Variants in DOCK9 observed in about 807,000 individuals in gnomAD.
DOCK9 encodes dedicator of cytokinesis 9.
In DOCK9, 89 loss-of-function variants were observed where a neutral mutation model predicts 263.3. That is an observed-to-expected ratio of 0.34 (90% CI 0.28 to 0.40). The LOEUF (loss-of-function observed/expected upper bound fraction) is 0.40, where lower values mean the gene tolerates loss of function less well. DOCK9 is among the 10% of genes least tolerant of loss of function. DOCK9 has a pLI of 1.00. For missense variants in DOCK9, 2,140 were observed against 2,603.4 expected (o/e 0.82, Z 3.87); for synonymous variants, 976 against 973.1 (o/e 1.00, Z -0.06).
At chr13:98,891,188 T>C (rs1327985439) in intron 15 of DOCK9, among the ~76,000 whole-genome samples, 1 of 152,128 alleles carries the variant, frequency 6.6e-6, no homozygotes, top group Non-Finnish European at 1.5e-5. Flanking sequence ...CTCTGGGCAC[T>C]CCTACGATGA....
intron 1 of DOCK9, among the ~76,000 whole-genome samples, chr13:99,023,165 G>A (rs770384883): frequency 2.0e-5 from 3 of 152,172 alleles, no homozygotes; most frequent in African/African-American, 2.4e-5. Context: ...GCACACCCAC[G>A]TTCATAGGCA....
At chr13:99,084,666 C>A (rs2042260185) in intron 1 of DOCK9, among the ~76,000 whole-genome samples, 1 of 152,224 alleles carries the variant, frequency 6.6e-6, no homozygotes, top group South Asian at 2.1e-4. Flanking sequence ...TCCATCTACA[C>A]GGCTTATTAA....
intron 1 of DOCK9, among the ~76,000 whole-genome samples, chr13:99,058,038 T>TATACA (rs1389391201): frequency 6.6e-6 from 1 of 152,106 alleles, no homozygotes; most frequent in Non-Finnish European, 1.5e-5. Context: ...GAAGGGTATT[T>TATACA]ATACAATATC....
chr13:98,908,501 CTG>C (rs1383706537), intron 9 of DOCK9, among the ~76,000 whole-genome samples: 1 of 151,988 alleles, frequency 6.6e-6, no homozygotes, highest in Admixed American at 6.6e-5. Flanking sequence ...GCTGAATAAA[CTG>C]TGCAGTAGCA....
In DOCK9 at chr13:99,043,154, C is replaced by G. The variant is rs561964519; in HGVS notation, c.129+43069G>C. 5.9e-5 allele frequency among the ~76,000 whole-genome samples: 9 copies of G among 152,066 alleles called. No individual in the cohort carries two copies. In the East Asian group the frequency reaches 1.2e-3, roughly 20 times the overall value. On this transcript the variant is annotated intron_variant, in intron 1 of 32. Coordinates refer to the DOCK9 transcript ENST00000427887. ...CCTGTCCCACCGCCATCCAATAAAG[C>G]TCATGGGTCACTGCCTCTCAGGGTC...
chr13:98,892,900 TTAAAAA>T (rs2046840789), intron 15 of DOCK9, among the ~76,000 whole-genome samples: 1 of 152,084 alleles, frequency 6.6e-6, no homozygotes, highest in Non-Finnish European at 1.5e-5. Context: ...TTATCCACCC[TTAAAAA>T]GAGGAGGCGG....
chr13:98,950,371 T>C, intron 2 of DOCK9: 2 of 940,572 alleles, frequency 2.1e-6, no homozygotes, highest in Non-Finnish European at 3.3e-6. Flanking sequence ...CTGAGTGGCT[T>C]TGAGGGCTTG....
At chr13:99,085,681 G>C (rs1319901810) in intron 1 of DOCK9, among the ~76,000 whole-genome samples, 1 of 152,110 alleles carries the variant, frequency 6.6e-6, no homozygotes, top group African/African-American at 2.4e-5. Flanking sequence ...CGGCTTGGAG[G>C]TGGGGGGCGC....
At chr13:98,918,284 C>T (rs1034749254) in intron 7 of DOCK9, among the ~76,000 whole-genome samples, 9 of 152,026 alleles carry the variant, frequency 5.9e-5, no homozygotes, top group South Asian at 2.1e-4. Context: ...AAGACACTGA[C>T]GAGACCTGGG....
In DOCK9 at chr13:98,925,847, G is replaced by T; in HGVS notation, c.406C>A (p.Gln136Lys). ...ATATAGCTTACTCACTTCGGAAGCTGTCGAAACTCTCCTGAGTAATCTTCA... is the reference window on the plus strand; with the variant it reads ...ATATAGCTTACTCACTTCGGAAGCTTTCGAAACTCTCCTGAGTAATCTTCA... ...KYEDYSGEFRQLPNKVVKLDK... is the reference protein window; with the variant it reads ...KYEDYSGEFRKLPNKVVKLDK... Residue 136 changes from glutamine (Q) to lysine (K), a missense_variant, in exon 4 of 53, where the codon CAG becomes AAG. Coordinates refer to ENST00000682017, the MANE Select transcript of DOCK9 (RefSeq NM_001366683.2). 6.4e-7 allele frequency: 1 copy of T among 1,569,176 alleles called. No homozygotes were observed.
Position 99,057,479 on chromosome 13 carries a change from ATTTCTTTACTAAGCC to A in DOCK9, c.129+28729_129+28743del, listed in dbSNP as rs546165900. Among the ~76,000 whole-genome samples, 564 of 152,242 alleles carry A rather than the reference ATTTCTTTACTAAGCC, an allele frequency of 3.7e-3. 3 individuals are homozygous for A. Among genetic ancestry groups the A allele is most frequent in the African/African-American group, 0.013 (531 of 41,548 alleles). ...GGACCAGATCTTCATTGCGCCTCTG[ATTTCTTTACTAAGCC>A]ACTGACTCAGGGACAACCTTGCATT... On this transcript the variant is annotated intron_variant, in intron 1 of 32. Coordinates refer to the DOCK9 transcript ENST00000427887.
intron 1 of DOCK9, among the ~76,000 whole-genome samples, chr13:99,061,160 A>C (rs1403030621): frequency 6.6e-6 from 1 of 152,206 alleles, no homozygotes; most frequent in African/African-American, 2.4e-5. Context: ...ATGTTTACTG[A>C]GATAAAACAG....
chr13:98,805,888 G>A (rs990510437), intron 48 of DOCK9, among the ~76,000 whole-genome samples: 50 of 152,112 alleles, frequency 3.3e-4, no homozygotes, highest in African/African-American at 1.2e-3. Context: ...AGCCTCCCAA[G>A]TAGCTGTGAC....
chr13:98,814,845 G>A (rs2091670124), intron 45 of DOCK9, among the ~76,000 whole-genome samples: 1 of 151,992 alleles, frequency 6.6e-6, no homozygotes, highest in Non-Finnish European at 1.5e-5. Context: ...GGAGGCTGAG[G>A]TGGGAGAACA....
chr13:99,003,454 T>A (rs931337698), intron 1 of DOCK9, among the ~76,000 whole-genome samples: 1 of 152,134 alleles, frequency 6.6e-6, no homozygotes, highest in African/African-American at 2.4e-5. Context: ...GACATCTGTC[T>A]GTGCTGGGAT....
chr13:98,915,757 G>A (rs2050794873), intron 7 of DOCK9, among the ~76,000 whole-genome samples: 1 of 150,548 alleles, frequency 6.6e-6, no homozygotes. Context: ...GATTCACTGT[G>A]TGTCCCTGCA....
At chr13:98,886,683 T>G in intron 18 of DOCK9, 59 bp from the exon 19 acceptor site, 1 of 1,470,140 alleles carries the variant, frequency 6.8e-7, no homozygotes, top group Non-Finnish European at 9.5e-7. Flanking sequence ...AAATTAAACT[T>G]GGATATATCG....
intron 1 of DOCK9, among the ~76,000 whole-genome samples, chr13:98,983,987 G>C (rs565252532): frequency 6.6e-6 from 1 of 152,244 alleles, no homozygotes; most frequent in South Asian, 2.1e-4. Flanking sequence ...TTATCACCTA[G>C]TCTAGTGTCT....
chr13:98,956,077 AG>A (rs2058027871), intron 1 of DOCK9, among the ~76,000 whole-genome samples: 3 of 152,228 alleles, frequency 2.0e-5, no homozygotes, highest in Non-Finnish European at 4.4e-5. Flanking sequence ...TAATACCTAA[AG>A]GTAGAAAGAT....
Sources: gnomAD v4.1 joint callset for allele counts (sites outside exome capture counted in the v4.1 genomes callset) on GRCh38, gnomAD v4.1.1 for gene constraint, MANE v1.5 for transcripts, NCBI Gene and HGNC (gene_info 2026-07-23, HGNC 2026-07-21) for gene names.